Variants in GALNT1 observed in about 807,000 individuals in gnomAD.
The protein encoded by GALNT1 is polypeptide N-acetylgalactosaminyltransferase 1.
A neutral mutation model predicts 65.7 loss-of-function variants in GALNT1; 17 were observed. The ratio of observed to expected loss-of-function variants is 0.26; its 90% CI spans 0.18 to 0.39. The LOEUF (loss-of-function observed/expected upper bound fraction) is 0.39. GALNT1 is among the 10% of genes least tolerant of loss of function. The pLI, the probability that GALNT1 is intolerant of heterozygous loss-of-function variation, is 1.00. For synonymous variants in GALNT1, 210 were observed against 219.7 expected (o/e 0.96, Z 0.39); for missense variants, 460 against 672.8 (o/e 0.68, Z 3.50).
At chr18:35,681,619 G>A (rs1046254609) in intron 4 of GALNT1, among the ~76,000 whole-genome samples, 8 of 152,026 alleles carry the variant, frequency 5.3e-5, no homozygotes, top group African/African-American at 1.2e-4. Context: ...GTTGGGAGAC[G>A]CATTGTTTAT....
intron 4 of GALNT1, among the ~76,000 whole-genome samples, chr18:35,682,854 G>C (rs920165520): frequency 7.0e-6 from 1 of 141,978 alleles, no homozygotes; most frequent in Non-Finnish European, 1.5e-5. Flanking sequence ...TGGCCTTGCA[G>C]TTAACAGTCC....
chr18:35,677,654 T>C lies in GALNT1; in HGVS notation c.378T>C (p.Asn126=). ...PTTSVVIVFH[N]EAWSTLLRTV... ...CAAGTGTGGTGATTGTTTTCCACAATGAGGCTTGGAGCACACTTCTGCGAA... is the reference window on the plus strand; with the variant it reads ...CAAGTGTGGTGATTGTTTTCCACAACGAGGCTTGGAGCACACTTCTGCGAA... Residue 126 remains asparagine (N), a synonymous_variant, in exon 4 of 12, where the codon AAT becomes AAC. Coordinates refer to ENST00000269195, the MANE Select transcript of GALNT1 (RefSeq NM_020474.4). 5.6e-6 allele frequency: 9 copies of C among 1,613,288 alleles called. No individual in the cohort carries two copies. The highest frequency in any genetic ancestry group is 7.6e-6 in the Non-Finnish European group (9 of 1,179,380).
At chr18:35,674,233 T>G (rs1371308751) in intron 3 of GALNT1, among the ~76,000 whole-genome samples, 3 of 152,328 alleles carry the variant, frequency 2.0e-5, no homozygotes, top group Non-Finnish European at 4.4e-5. Flanking sequence ...TTATCAACAC[T>G]GTACACTTAG....
intron 1 of GALNT1, among the ~76,000 whole-genome samples, chr18:35,652,629 T>C (rs1016464876): frequency 2.0e-5 from 3 of 152,186 alleles, no homozygotes; most frequent in South Asian, 2.1e-4. Context: ...TTTCCTTTCA[T>C]TGTTGCATTA....
chr18:35,681,487 A>AT (rs35993193), intron 4 of GALNT1, among the ~76,000 whole-genome samples: 17,391 of 148,512 alleles, frequency 0.12, 1,083 homozygotes, highest in Admixed American at 0.18. Context: ...AGAATCATGC[A>AT]TTTTTTTTTT....
chr18:35,634,734 C>A (rs933626778), intron 1 of GALNT1, among the ~76,000 whole-genome samples: 36 of 152,118 alleles, frequency 2.4e-4, no homozygotes, highest in African/African-American at 8.7e-4. Context: ...TTTATACAAA[C>A]AATACAATGT....
chr18:35,647,947 C>T (rs57783590), intron 1 of GALNT1, among the ~76,000 whole-genome samples: 14,428 of 151,484 alleles, frequency 0.095, 814 homozygotes, highest in African/African-American at 0.17. Flanking sequence ...TTTGGGAGGC[C>T]GTGGTGGGTG....
intron 1 of GALNT1, among the ~76,000 whole-genome samples, chr18:35,614,941 C>A (rs1052667943): frequency 6.6e-6 from 1 of 151,650 alleles, no homozygotes; most frequent in Admixed American, 6.6e-5. Context: ...AGAAATATAT[C>A]GAAGGACATT....
chr18:35,588,999 C>T (rs956047364), intron 1 of GALNT1, among the ~76,000 whole-genome samples: 2 of 152,108 alleles, frequency 1.3e-5, no homozygotes, highest in Non-Finnish European at 1.5e-5. Flanking sequence ...TTATATTATA[C>T]TATGAGATTC....
At chr18:35,656,315 G>A (rs1568025438) in intron 2 of GALNT1, among the ~76,000 whole-genome samples, 1 of 152,180 alleles carries the variant, frequency 6.6e-6, no homozygotes, top group Non-Finnish European at 1.5e-5. Flanking sequence ...ACTAGGTGCT[G>A]TTGATACACA....
At chr18:35,589,327 T>C (rs192428773) in intron 1 of GALNT1, among the ~76,000 whole-genome samples, 52 of 152,286 alleles carry the variant, frequency 3.4e-4, no homozygotes, top group Admixed American at 3.1e-3. Context: ...GGTGCCTTAT[T>C]ATAACCCGGG....
chr18:35,695,277 G>A (rs1162999340), intron 9 of GALNT1, among the ~76,000 whole-genome samples: 1 of 151,816 alleles, frequency 6.6e-6, no homozygotes, highest in East Asian at 1.9e-4. Flanking sequence ...TTGGGTGGGG[G>A]TGGGAAGAAG....
At chr18:35,582,505 G>T (rs2143798659) in intron 1 of GALNT1, among the ~76,000 whole-genome samples, 1 of 152,300 alleles carries the variant, frequency 6.6e-6, no homozygotes, top group South Asian at 2.1e-4. Flanking sequence ...GCTAGATGAG[G>T]TTCCCTTACT....
intron 6 of GALNT1, 32 bp from the exon 7 acceptor site, chr18:35,689,141 A>G (rs760653960): frequency 8.8e-6 from 12 of 1,358,168 alleles, no homozygotes; most frequent in Non-Finnish European, 2.1e-6. Flanking sequence ...TAAATTTTAA[A>G]TTGCTAATGG....
chr18:35,640,508 G>A (rs2047147462), intron 1 of GALNT1, among the ~76,000 whole-genome samples: 4 of 152,172 alleles, frequency 2.6e-5, no homozygotes, highest in Non-Finnish European at 5.9e-5. Context: ...TGGAAAGATA[G>A]CAGATCTCTC....
intron 2 of GALNT1, 38 bp from the exon 3 acceptor site, chr18:35,663,590 A>G (rs745627076): frequency 1.3e-6 from 2 of 1,559,150 alleles, no homozygotes; most frequent in African/African-American, 1.4e-5. Context: ...ATCAATTGCT[A>G]TGAAATTAAT....
intron 2 of GALNT1, among the ~76,000 whole-genome samples, chr18:35,658,707 CTCT>C (rs1598797898): frequency 6.7e-6 from 1 of 148,622 alleles, no homozygotes; most frequent in African/African-American, 2.5e-5. Flanking sequence ...CTCAAAGTTT[CTCT>C]TTTTTTTTTT....
chr18:35,631,910 A>G (rs2047017337), intron 1 of GALNT1, among the ~76,000 whole-genome samples: 2 of 151,646 alleles, frequency 1.3e-5, no homozygotes, highest in African/African-American at 2.4e-5. Flanking sequence ...TTATACACCA[A>G]TAACAGACAG....
intron 1 of GALNT1, among the ~76,000 whole-genome samples, chr18:35,606,262 T>C (rs1833566875): frequency 6.6e-6 from 1 of 152,158 alleles, no homozygotes; most frequent in Non-Finnish European, 1.5e-5. Flanking sequence ...CCAAAACAAG[T>C]CACGTGACTA....
Sources: gnomAD v4.1 joint callset for allele counts (sites outside exome capture counted in the v4.1 genomes callset) on GRCh38, gnomAD v4.1.1 for gene constraint, MANE v1.5 for transcripts, NCBI Gene and HGNC (gene_info 2026-07-23, HGNC 2026-07-21) for gene names.